The following DLG5 variants were observed in gnomAD, a reference collection of about 807,000 sequenced individuals.
The protein encoded by DLG5 is disks large homolog 5.
DLG5 carries 48 observed loss-of-function variants against 189.8 expected under a neutral mutation model. The observed-to-expected ratio is 0.25, with a 90% confidence interval of 0.20 to 0.32. DLG5 has a LOEUF of 0.32. DLG5 is among the 10% of genes least tolerant of loss of function. The pLI, the probability that DLG5 is intolerant of heterozygous loss-of-function variation, is 1.00. For missense variants in DLG5, 2,160 were observed against 2,544.7 expected, an observed-to-expected ratio of 0.85 and a Z score of 3.25; for synonymous variants, 1,016 against 1,054.1, an observed-to-expected ratio of 0.96 and a Z score of 0.70.
chr10:77,829,608 G>C, intron 11 of DLG5, 78 bp from the exon 12 acceptor site: 1 of 1,498,266 alleles, frequency 6.7e-7, no homozygotes, highest in South Asian at 1.3e-5. Context: ...CTCACTCAGG[G>C]GGCTGACTGC....
chr10:77,820,103 T>C (rs1842265630), intron 15 of DLG5, 85 bp from the exon 16 acceptor site: 6 of 1,566,104 alleles, frequency 3.8e-6, no homozygotes, highest in Non-Finnish European at 5.2e-6. Flanking sequence ...CCCAGCACTC[T>C]GGGAGGCCGA....
intron 27 of DLG5, among the ~76,000 whole-genome samples, chr10:77,798,451 A>G (rs991199903): frequency 2.0e-5 from 3 of 152,162 alleles, no homozygotes; most frequent in Non-Finnish European, 2.9e-5. Flanking sequence ...GGATAAGGCC[A>G]GCACTCCTCT....
intron 27 of DLG5, among the ~76,000 whole-genome samples, chr10:77,797,014 A>G (rs1051167932): frequency 6.6e-6 from 1 of 152,150 alleles, no homozygotes; most frequent in Admixed American, 6.5e-5. Flanking sequence ...GGCCTCCCCA[A>G]TCTGCACGGC....
At chr10:77,826,170 A>G (rs1842628004) in intron 13 of DLG5, among the ~76,000 whole-genome samples, 1 of 152,044 alleles carries the variant, frequency 6.6e-6, no homozygotes, top group Admixed American at 6.6e-5. Flanking sequence ...CCCAGGGCAC[A>G]CTCCTGGGTC....
the DLG5 span, among the ~76,000 whole-genome samples, chr10:77,938,611 A>G: frequency 1.3e-5 from 2 of 152,134 alleles, no homozygotes; most frequent in Admixed American, 6.6e-5. Context: ...TAGGGTAAAT[A>G]TAACCCCAGC....
At chr10:77,823,136 A>C (rs1224923497) in intron 14 of DLG5, among the ~76,000 whole-genome samples, 1 of 152,236 alleles carries the variant, frequency 6.6e-6, no homozygotes, top group Non-Finnish European at 1.5e-5. Context: ...AAAATGCCAA[A>C]ATTGGGGAAA....
chr10:77,874,122 G>A (rs909869958), intron 1 of DLG5, among the ~76,000 whole-genome samples: 6 of 152,356 alleles, frequency 3.9e-5, no homozygotes, highest in East Asian at 1.9e-4. Context: ...GGCCAGGTTC[G>A]GGAGAAAGAA....
chr10:77,888,996 C>A (rs924556962), intron 1 of DLG5, among the ~76,000 whole-genome samples: 6 of 151,024 alleles, frequency 4.0e-5, no homozygotes, highest in African/African-American at 1.5e-4. Context: ...GTGAAGCCCA[C>A]AGGTAACCTC....
chr10:77,866,937 C>T (rs1158818008), intron 2 of DLG5: 5 of 456,148 alleles, frequency 1.1e-5, no homozygotes, highest in African/African-American at 2.0e-5. Context: ...GAGGCTTTGC[C>T]CAGAAGGGAT....
intron 27 of DLG5, among the ~76,000 whole-genome samples, chr10:77,803,608 A>G (rs138696465): frequency 2.5e-4 from 38 of 152,362 alleles, no homozygotes; most frequent in African/African-American, 8.9e-4. Flanking sequence ...AACGATAAAA[A>G]GGTTAATTTA....
At chr10:77,905,148 C>A (rs1846037406) in intron 1 of DLG5, among the ~76,000 whole-genome samples, 1 of 150,698 alleles carries the variant, frequency 6.6e-6, no homozygotes, top group African/African-American at 2.4e-5. Flanking sequence ...AAAAAAAACT[C>A]TCCTGGCTCC....
At chr10:77,880,175 C>T (rs986531555) in intron 1 of DLG5, among the ~76,000 whole-genome samples, 4 of 152,002 alleles carry the variant, frequency 2.6e-5, no homozygotes, top group African/African-American at 4.8e-5. Context: ...TGAACACAGC[C>T]GGGTGCAGTG....
chr10:77,904,651 C>T (rs1846022050), intron 1 of DLG5, among the ~76,000 whole-genome samples: 1 of 151,602 alleles, frequency 6.6e-6, no homozygotes, highest in African/African-American at 2.4e-5. Flanking sequence ...GCCTTTGCTT[C>T]TTCCTCATTC....
chr10:77,844,309 G>T (rs1461561307), intron 5 of DLG5, among the ~76,000 whole-genome samples: 6 of 152,220 alleles, frequency 3.9e-5, no homozygotes, highest in African/African-American at 1.4e-4. Context: ...AACTCCACCA[G>T]GAGAGGATTC....
intron 2 of DLG5, chr10:77,868,530 G>T (rs1237702334): frequency 7.6e-6 from 2 of 264,114 alleles, no homozygotes; most frequent in African/African-American, 2.2e-5. Context: ...AGTCCTTCGG[G>T]CTCAAAAGAT....
At chr10:77,794,809 T>C (rs1242596456) in intron 30 of DLG5, 40 bp downstream of exon 30, 1 of 1,569,980 alleles carries the variant, frequency 6.4e-7, no homozygotes, top group East Asian at 2.2e-5. Flanking sequence ...GCCCCACCTG[T>C]GACAAGGCCC....
intron 1 of DLG5, among the ~76,000 whole-genome samples, chr10:77,925,567 G>C (rs1476495207): frequency 6.6e-6 from 1 of 152,162 alleles, no homozygotes; most frequent in Admixed American, 6.5e-5. Context: ...GCAGCTCTGT[G>C]CTCTCAGGGA....
At chr10:77,806,049 C>G in intron 26 of DLG5, 188 bp from the exon 27 acceptor site, 2 of 550,432 alleles carry the variant, frequency 3.6e-6, no homozygotes, top group East Asian at 6.0e-5. Flanking sequence ...GGGGGTGACA[C>G]AAACACCAGC....
chr10:77,911,778 ACACGGGCAGCCCTGCAGCCCC>A lies in DLG5; in HGVS notation c.304+14418_304+14438del, dbSNP rs574071316. On this transcript the variant is annotated intron_variant, in intron 1 of 31. Transcript: ENST00000372391. ...GCCATCTCTAATGGCACCGCTTTCCACACGGGCAGCCCTGCAGCCCCCACGGCAGGCTGCATGTTAGCAGGA... is the reference window on the plus strand; with the variant it reads ...GCCATCTCTAATGGCACCGCTTTCCACACGGCAGGCTGCATGTTAGCAGGA... 9.2e-5 allele frequency among the ~76,000 whole-genome samples: 14 copies of A among 152,268 alleles called. No homozygotes were observed. In the East Asian group the frequency reaches 2.5e-3, roughly 27 times the overall value.
Sources: gnomAD v4.1 joint callset for allele counts (sites outside exome capture counted in the v4.1 genomes callset) on GRCh38, gnomAD v4.1.1 for gene constraint, MANE v1.5 for transcripts, NCBI Gene and HGNC (gene_info 2026-07-23, HGNC 2026-07-21) for gene names.